DRC1: variants seen among roughly 807,000 people sequenced by gnomAD.
DRC1 encodes the protein dynein regulatory complex protein 1.
A neutral mutation model predicts 98.7 loss-of-function variants in DRC1; 74 were observed. The observed-to-expected ratio is 0.75, with a 90% CI of 0.62 to 0.91. DRC1 has a LOEUF of 0.91. DRC1 is among the 40% of genes least tolerant of loss of function. The probability of loss-of-function intolerance (pLI) is 0.00; values close to 1 mark genes in which losing one functional copy is unlikely to be tolerated. For synonymous variants in DRC1, 336 were observed against 334.1 expected (o/e 1.01, Z -0.06); for missense variants, 875 against 886.0 (o/e 0.99, Z 0.16).
intron 13 of DRC1, among the ~76,000 whole-genome samples, chr2:26,451,724 G>A (rs1664012234): frequency 6.6e-6 from 1 of 152,100 alleles, no homozygotes; most frequent in Non-Finnish European, 1.5e-5. Context: ...GAAAAAAAGA[G>A]CTGGCAGAAA....
rs1404986935 is a variant in DRC1 at position 26,455,246 on chromosome 2, G to A, written c.2166+13G>A. 3 of 1,609,676 alleles carry A rather than the reference G, an allele frequency of 1.9e-6. No individual in the cohort carries two copies. The highest frequency in any genetic ancestry group is 1.3e-5 in the African/African-American group (1 of 74,954). ...TCTGAACTCCAAGGTGGGCGGCGGG[G>A]CCTTCCAAGGAGGGGCAGCGGGAGA... On this transcript the variant is annotated intron_variant, in intron 16 of 16. Coordinates refer to ENST00000288710, the MANE Select transcript of DRC1 (RefSeq NM_145038.5).
At chr2:26,441,099 C>T (rs1387005286) in intron 8 of DRC1, among the ~76,000 whole-genome samples, 1 of 152,200 alleles carries the variant, frequency 6.6e-6, no homozygotes, top group Non-Finnish European at 1.5e-5. Flanking sequence ...TGAAATTTCT[C>T]ATACATCCTT....
At chr2:26,432,656 C>T (rs892574295) in intron 7 of DRC1, among the ~76,000 whole-genome samples, 4 of 152,114 alleles carry the variant, frequency 2.6e-5, no homozygotes, top group African/African-American at 4.8e-5. Context: ...CTACAGAGGT[C>T]TGGAAGCCAT....
At chr2:26,410,280 ATT>A in intron 1 of DRC1, among the ~76,000 whole-genome samples, 1 of 147,708 alleles carries the variant, frequency 6.8e-6, no homozygotes, top group South Asian at 2.1e-4. Context: ...TATTATTATT[ATT>A]AATTTTGATA....
rs144601230 is a variant in DRC1 at position 26,427,568 on chromosome 2, T to C, written c.541-2060T>C. ...TTCAAGCATGTATCATTTCTTTGTG[T>C]TGCAAACATTCCAGTTATACTCTTT... is the stretch of plus-strand genomic sequence containing the variant. On this transcript the variant is annotated intron_variant, in intron 4 of 16. Transcript: ENST00000288710. Among the ~76,000 whole-genome samples, 554 of 152,310 alleles carry C rather than the reference T, an allele frequency of 3.6e-3. 5 individuals carry two copies. The highest frequency in any genetic ancestry group is 0.013 in the African/African-American group (528 of 41,572).
At chr2:26,444,020 C>T (rs1023053386) in intron 8 of DRC1, among the ~76,000 whole-genome samples, 73 of 152,018 alleles carry the variant, frequency 4.8e-4, no homozygotes, top group African/African-American at 1.5e-3. Context: ...CAATGCGTTT[C>T]GTTTTGGACT....
intron 7 of DRC1, among the ~76,000 whole-genome samples, chr2:26,436,484 A>T (rs556939273): frequency 6.6e-6 from 1 of 151,346 alleles, no homozygotes; most frequent in African/African-American, 2.4e-5. Context: ...GCTAATTTAA[A>T]TTTTTTTTTG....
At chr2:26,418,645 AAT>A (rs1252069140) in intron 2 of DRC1, among the ~76,000 whole-genome samples, 1,643 of 90,850 alleles carry the variant, frequency 0.018, 53 homozygotes, top group African/African-American at 0.068. Flanking sequence ...TAATTTATAT[AAT>A]ATATAAATTA....
chr2:26,449,689 G>A (rs932562355), intron 11 of DRC1, among the ~76,000 whole-genome samples: 3 of 152,250 alleles, frequency 2.0e-5, no homozygotes, highest in African/African-American at 7.2e-5. Flanking sequence ...TGTGGTGGGG[G>A]CCTCAGGAGT....
intron 1 of DRC1, among the ~76,000 whole-genome samples, chr2:26,412,295 G>A (rs900264278): frequency 6.6e-6 from 1 of 152,152 alleles, no homozygotes; most frequent in East Asian, 1.9e-4. Flanking sequence ...TGGAACCCAG[G>A]AGGCAGAGGT....
intron 1 of DRC1, among the ~76,000 whole-genome samples, chr2:26,408,726 G>A (rs899327028): frequency 1.6e-4 from 24 of 152,106 alleles, no homozygotes; most frequent in African/African-American, 5.3e-4. Context: ...AGCCGAGATC[G>A]TGCCACTACA....
chr2:26,444,633 A>T, intron 9 of DRC1, 83 bp from the exon 10 acceptor site: 3 of 1,333,268 alleles, frequency 2.3e-6, no homozygotes, highest in Non-Finnish European at 3.1e-6. Flanking sequence ...GCTCCTTTTC[A>T]TATTCCTGCC....
Position 26,454,628 on chromosome 2 carries a change from C to T in DRC1, c.1920-19C>T. The T allele has an allele frequency of 6.2e-7, 1 of 1,613,424 alleles. No individual in the cohort carries two copies. Among genetic ancestry groups the T allele is most frequent in the Non-Finnish European group, 8.5e-7 (1 of 1,179,636 alleles). On this transcript the variant is annotated intron_variant, in intron 14 of 16. Coordinates refer to ENST00000288710, the MANE Select transcript of DRC1 (RefSeq NM_145038.5). This position sits in a 1 kb window ranked among gnomAD's most constrained non-coding sequence, Gnocchi z 5.2. ...TAGTACCCAATGGACATGACAATCA[C>T]TGTGCTCTTGGCCTTCAGGGACTCG... is the stretch of plus-strand genomic sequence containing the variant.
At position 26,402,091 on chromosome 2, in the gene DRC1, G is replaced by A. The variant is rs1444681068; in HGVS notation, c.102G>A (p.Glu34=). Residue 34 remains glutamate (E), a synonymous_variant, in exon 1 of 17, where the codon GAG becomes GAA. Transcript: ENST00000288710. ...CGGTCCACTCCGACAACTCTCAGGA[G>A]CGCATCCAGGCCCGGCGCCTCCGCA... The part of the protein sequence containing the change: ...APSVHSDNSQ[E]RIQARRLRIA... 1.2e-6 allele frequency: 2 copies of A among 1,612,694 alleles called. No homozygotes were observed. Among genetic ancestry groups the A allele is most frequent in the African/African-American group, 2.7e-5 (2 of 74,892 alleles).
At chr2:26,424,500 G>T in intron 4 of DRC1, 46 bp downstream of exon 4, 3 of 1,549,828 alleles carry the variant, frequency 1.9e-6, no homozygotes, top group Non-Finnish European at 2.6e-6. Flanking sequence ...GATCTGCCTG[G>T]GATTTAGCTG....
At chr2:26,403,701 A>G (rs1678326496) in intron 1 of DRC1, among the ~76,000 whole-genome samples, 1 of 150,498 alleles carries the variant, frequency 6.6e-6, no homozygotes. Context: ...AGGCTGAGGC[A>G]GGAGAATTGC....
intron 1 of DRC1, among the ~76,000 whole-genome samples, chr2:26,405,606 T>C (rs1430987558): frequency 6.6e-6 from 1 of 150,412 alleles, no homozygotes; most frequent in Non-Finnish European, 1.5e-5. Context: ...ACTTTTTGGC[T>C]ATGATAATGG....
Position 26,453,263 on chromosome 2 carries a change from C to T in DRC1, c.1690-57C>T. The T allele has an allele frequency of 3.8e-6, 6 of 1,599,312 alleles. No homozygotes were observed. In the South Asian group the frequency reaches 6.7e-5, roughly 18 times the overall value. On this transcript the variant is annotated intron_variant, in intron 13 of 16. Coordinates refer to ENST00000288710, the MANE Select transcript of DRC1 (RefSeq NM_145038.5). ...TGGTTTTTCTTCTTCCTGCCTCTCT[C>T]TCCATGCTCATGCTCGTGTGTCCCC... is the stretch of plus-strand genomic sequence containing the variant.
chr2:26,418,854 A>C (rs1678945096), intron 2 of DRC1, among the ~76,000 whole-genome samples: 1 of 139,456 alleles, frequency 7.2e-6, no homozygotes, highest in Non-Finnish European at 1.5e-5. Flanking sequence ...AGCATATTAT[A>C]TATTATATAT....
Sources: allele counts gnomAD v4.1 joint callset (sites outside exome capture counted in the v4.1 genomes callset), GRCh38; gene constraint gnomAD v4.1.1; non-coding constraint Gnocchi (gnomAD v3.1); transcripts MANE v1.5; gene names NCBI Gene and HGNC (gene_info 2026-07-23, HGNC 2026-07-21).